The following DNAH11 variants were observed in gnomAD, a reference collection of about 807,000 sequenced individuals.
DNAH11 encodes the protein axonemal beta dynein heavy chain 11.
A neutral mutation model predicts 526.0 loss-of-function variants in DNAH11; 442 were observed. The observed-to-expected ratio is 0.84, with a 90% CI of 0.78 to 0.91. DNAH11 has a LOEUF of 0.91. Among genes scored for constraint, DNAH11 ranks in the 40% least tolerant of loss-of-function variants. The pLI is 0.00. For synonymous variants in DNAH11, 2,461 were observed against 1,935.9 expected, an observed-to-expected ratio of 1.27 and a Z score of -7.12; for missense variants, 6,989 against 5,448.7, an observed-to-expected ratio of 1.28 and a Z score of -8.90.
chr7:21,674,585 C>G (rs1374935788), intron 30 of DNAH11, among the ~76,000 whole-genome samples: 1 of 152,136 alleles, frequency 6.6e-6, no homozygotes, highest in East Asian at 1.9e-4. Context: ...CCTGTAACTC[C>G]TAGCCTCAAG....
At chr7:21,744,331 C>A (rs1786048939) in intron 49 of DNAH11, 107 bp from the exon 50 acceptor site, 2 of 1,224,394 alleles carry the variant, frequency 1.6e-6, no homozygotes, top group Admixed American at 2.1e-5. Flanking sequence ...GATGATATTT[C>A]TTTTAACCAT....
In DNAH11 at chr7:21,564,412, A is replaced by G; in HGVS notation, c.1194+15A>G. On this transcript the variant is annotated intron_variant, in intron 6 of 81. Transcript: ENST00000409508. Reference sequence around the variant, plus strand: ...TCATTAACCAGGTATGAAGCATCAAAAAACAGGAACAATAAGAATTGTTGC... The same window carrying G: ...TCATTAACCAGGTATGAAGCATCAAGAAACAGGAACAATAAGAATTGTTGC... 6.3e-7 allele frequency: 1 copy of G among 1,589,888 alleles called. No individual in the cohort carries two copies. Among genetic ancestry groups the G allele is most frequent in the Non-Finnish European group, 8.6e-7 (1 of 1,161,836 alleles).
chr7:21,630,774 T>G (rs1413125307), intron 25 of DNAH11, among the ~76,000 whole-genome samples: 1 of 152,240 alleles, frequency 6.6e-6, no homozygotes, highest in Non-Finnish European at 1.5e-5. Flanking sequence ...CCTTTGAGAA[T>G]TTGATTATTT....
intron 54 of DNAH11, among the ~76,000 whole-genome samples, chr7:21,759,732 A>G (rs1388520979): frequency 6.6e-6 from 1 of 152,232 alleles, no homozygotes; most frequent in South Asian, 2.1e-4. Flanking sequence ...TCATTACCAG[A>G]TGAAATGGAC....
chr7:21,600,799 G>A lies in DNAH11; in HGVS notation c.3124G>A (p.Val1042Met). Residue 1042 changes from valine to methionine, a missense_variant, in exon 16 of 82, where the codon GTG becomes ATG. Val to Met is a conservative substitution (Grantham distance 21, BLOSUM62 1). Coordinates refer to ENST00000409508, the MANE Select transcript of DNAH11 (RefSeq NM_001277115.2). ...NTLETHTYLW[V>M]DDRAEFMKHF... ...CCTGGAGACCCACACTTACCTCTGG[G>A]TGGATGATCGAGCTGAGTTTATGAA... The A allele has an allele frequency of 6.2e-7, 1 of 1,613,928 alleles. No individual in the cohort carries two copies. Among genetic ancestry groups the A allele is most frequent in the Non-Finnish European group, 8.5e-7 (1 of 1,179,852 alleles).
chr7:21,665,054 G>A (rs1329011412), intron 30 of DNAH11, among the ~76,000 whole-genome samples: 1 of 151,928 alleles, frequency 6.6e-6, no homozygotes, highest in South Asian at 2.1e-4. Flanking sequence ...TTGTTGTCAG[G>A]AAGGGATCAG....
At chr7:21,713,663 G>A (rs1784543976) in intron 42 of DNAH11, among the ~76,000 whole-genome samples, 1 of 152,070 alleles carries the variant, frequency 6.6e-6, no homozygotes, top group African/African-American at 2.4e-5. Context: ...TCCTGATTTA[G>A]GGATGACATT....
chr7:21,791,501 T>C (rs1164008879), intron 61 of DNAH11, among the ~76,000 whole-genome samples: 1 of 152,204 alleles, frequency 6.6e-6, no homozygotes, highest in Non-Finnish European at 1.5e-5. Flanking sequence ...ATTGCAAAGA[T>C]AGTGTCCTGA....
rs531049764 is a variant in DNAH11, at chr7:21,639,070, TA to T, written c.4944+6del. On this transcript the variant is annotated splice_donor_region_variant and intron_variant, in intron 28 of 81. Coordinates refer to ENST00000409508, the MANE Select transcript of DNAH11 (RefSeq NM_001277115.2). ...AAAGGAGCTCAGCCTAAACAGGTAA[TA>T]TTTTTTTTGAAAGTCTCGTATTATA... The T allele has an allele frequency of 7.1e-4, 1,145 of 1,606,868 alleles. 23 individuals carry two copies. In the South Asian group the frequency reaches 0.012, roughly 17 times the overall value.
intron 52 of DNAH11, 88 bp downstream of exon 52, chr7:21,748,830 C>T: frequency 2.1e-6 from 3 of 1,397,652 alleles, no homozygotes; most frequent in Non-Finnish European, 2.8e-6. Flanking sequence ...GGCTGTGACT[C>T]CCAGATTTGG....
At chr7:21,886,176 A>C (rs1784115718) in intron 76 of DNAH11, among the ~76,000 whole-genome samples, 1 of 152,178 alleles carries the variant, frequency 6.6e-6, no homozygotes, top group Non-Finnish European at 1.5e-5. Context: ...CACCTCAGAG[A>C]AGCATTATAT....
At chr7:21,581,845 T>C (rs140029902) in intron 8 of DNAH11, 60 bp from the exon 9 acceptor site, 107 of 1,041,284 alleles carry the variant, frequency 1.0e-4, no homozygotes, top group Non-Finnish European at 1.5e-4. Context: ...GCTTGTGTGA[T>C]TGCTATTTTC....
intron 2 of DNAH11, among the ~76,000 whole-genome samples, chr7:21,555,590 A>G (rs544568524): frequency 4.0e-5 from 6 of 151,244 alleles, no homozygotes; most frequent in African/African-American, 9.9e-5. Context: ...CTTCATATCT[A>G]TGTTATATCT....
intron 2 of DNAH11, among the ~76,000 whole-genome samples, chr7:21,547,471 A>G (rs146545826): frequency 3.5e-4 from 53 of 152,336 alleles, no homozygotes; most frequent in African/African-American, 1.3e-3. Flanking sequence ...ACTTCCTAGC[A>G]TGTAAGCCCC....
At chr7:21,830,030 T>G (rs949982887) in intron 65 of DNAH11, among the ~76,000 whole-genome samples, 1 of 152,212 alleles carries the variant, frequency 6.6e-6, no homozygotes, top group African/African-American at 2.4e-5. Context: ...AGGACACTAA[T>G]TTTTTGGCTG....
chr7:21,789,273 A>C lies in DNAH11; in HGVS notation c.9957A>C (p.Ala3319=). The part of the protein sequence containing the change: ...VYCDVEPKRQ[A]LAQANLELAA... ...GTGATGTGGAGCCAAAACGCCAAGC[A>C]TTAGCCCAAGCAAACTTAGAACTGG... The change falls in exon 61 of 82, where the codon GCA becomes GCC. Residue 3319 remains alanine (A), a synonymous_variant. Coordinates refer to ENST00000409508, the MANE Select transcript of DNAH11 (RefSeq NM_001277115.2). 1 of 1,577,480 alleles carries C rather than the reference A, an allele frequency of 6.3e-7. No homozygotes were observed. Among genetic ancestry groups the C allele is most frequent in the African/African-American group, 1.3e-5 (1 of 74,222 alleles).
chr7:21,853,640 G>A (rs568463630), intron 67 of DNAH11, among the ~76,000 whole-genome samples: 49 of 152,266 alleles, frequency 3.2e-4, no homozygotes, highest in Non-Finnish European at 5.1e-4. Flanking sequence ...TATCCTATGG[G>A]ACCAGCAGTA....
At chr7:21,874,715 T>TA (rs1356551679) in intron 74 of DNAH11, among the ~76,000 whole-genome samples, 5 of 151,984 alleles carry the variant, frequency 3.3e-5, no homozygotes, top group Middle Eastern at 3.5e-3. Flanking sequence ...ATGATATATA[T>TA]ATGATACCTT....
At chr7:21,796,962 C>A (rs1244361743) in intron 61 of DNAH11, among the ~76,000 whole-genome samples, 1 of 151,794 alleles carries the variant, frequency 6.6e-6, no homozygotes, top group Non-Finnish European at 1.5e-5. Context: ...TTTATCAGAT[C>A]ACATGTTTCA....
Sources: gnomAD v4.1 joint callset for allele counts (sites outside exome capture counted in the v4.1 genomes callset) on GRCh38, gnomAD v4.1.1 for gene constraint, MANE v1.5 for transcripts, NCBI Gene and HGNC (gene_info 2026-07-23, HGNC 2026-07-21) for gene names.